XRCC5: variants seen among roughly 807,000 people sequenced by gnomAD.
XRCC5 encodes DNA repair protein Ku80.
Under a neutral mutation model 95.7 loss-of-function variants are expected in XRCC5, and 12 were observed. The observed-to-expected ratio is 0.13, with a 90% CI of 0.08 to 0.20. XRCC5 has a LOEUF of 0.20. Among genes scored for constraint, XRCC5 ranks in the 10% least tolerant of loss-of-function variants. XRCC5 has a pLI of 1.00. For missense variants in XRCC5, 595 were observed against 873.9 expected (o/e 0.68, Z 4.02); for synonymous variants, 281 against 290.3 (o/e 0.97, Z 0.33).
intron 10 of XRCC5, among the ~76,000 whole-genome samples, chr2:216,132,904 A>C (rs1459649650): frequency 6.6e-6 from 1 of 152,174 alleles, no homozygotes; most frequent in African/African-American, 2.4e-5. Flanking sequence ...TTTGATCTCC[A>C]AGTTAGAACT....
intron 19 of XRCC5, among the ~76,000 whole-genome samples, chr2:216,196,503 T>G (rs1689723338): frequency 6.6e-6 from 1 of 152,120 alleles, no homozygotes; most frequent in Non-Finnish European, 1.5e-5. Flanking sequence ...CGTACATGTG[T>G]GCGTGTGTCT....
chr2:216,162,514 A>C (rs1002289436), intron 16 of XRCC5, among the ~76,000 whole-genome samples: 2 of 150,726 alleles, frequency 1.3e-5, no homozygotes, highest in African/African-American at 4.9e-5. Flanking sequence ...CGATTCTCCT[A>C]CCTCAGCCTC....
At chr2:216,193,540 CTG>C (rs925476557) in intron 18 of XRCC5, among the ~76,000 whole-genome samples, 2 of 152,206 alleles carry the variant, frequency 1.3e-5, no homozygotes, top group African/African-American at 4.8e-5. Flanking sequence ...ACACAGGTAA[CTG>C]TTTTCCTGAC....
At chr2:216,141,148 T>C (rs201869296) in intron 12 of XRCC5, 38 bp from the exon 13 acceptor site, 156 of 1,610,432 alleles carry the variant, frequency 9.7e-5, no homozygotes, top group Non-Finnish European at 1.2e-4. Context: ...TGGAGAATAA[T>C]GGAAATAATC....
chr2:216,177,684 T>C (rs1689304717), intron 16 of XRCC5, among the ~76,000 whole-genome samples: 1 of 152,246 alleles, frequency 6.6e-6, no homozygotes, highest in Non-Finnish European at 1.5e-5. Flanking sequence ...GTTCAATGTT[T>C]ATAGATTTTG....
chr2:216,133,291 A>G (rs1559242418), intron 10 of XRCC5, among the ~76,000 whole-genome samples: 3 of 152,246 alleles, frequency 2.0e-5, no homozygotes, highest in Admixed American at 1.3e-4. Flanking sequence ...CCTGTTGGGA[A>G]TCATGGAAGT....
At position 216,149,018 on chromosome 2, in the gene XRCC5, G is replaced by A. The variant is rs41296416; in HGVS notation, c.1670+742G>A. Among the ~76,000 whole-genome samples the A allele has an allele frequency of 1.8e-3, 280 of 152,082 alleles. 1 individual carries two copies. Among genetic ancestry groups the A allele is most frequent in the African/African-American group, 6.5e-3 (271 of 41,502 alleles). ...GTTATTGGTGACTTTTTTTTCTCAAGCTGGAATAATCTATACATTTCTTTT... is the reference window on the plus strand; with the variant it reads ...GTTATTGGTGACTTTTTTTTCTCAAACTGGAATAATCTATACATTTCTTTT... On this transcript the variant is annotated intron_variant, in intron 14 of 20. Transcript: ENST00000392132.
chr2:216,200,453 AAT>A (rs1689815553), intron 19 of XRCC5, among the ~76,000 whole-genome samples: 2 of 152,246 alleles, frequency 1.3e-5, no homozygotes, highest in African/African-American at 4.8e-5. Flanking sequence ...CAAGAAAAGT[AAT>A]AATGAAAATA....
chr2:216,141,165 C>T, intron 12 of XRCC5, 21 bp from the exon 13 acceptor site: 1 of 1,607,486 alleles, frequency 6.2e-7, no homozygotes, highest in Admixed American at 1.7e-5. Context: ...AATCATTTTT[C>T]TTTCGGCTTC....
chr2:216,120,000 A>G (rs755981728), intron 5 of XRCC5, among the ~76,000 whole-genome samples: 4 of 152,190 alleles, frequency 2.6e-5, no homozygotes, highest in Admixed American at 1.3e-4. Flanking sequence ...TCTAGGTTAG[A>G]GTGGTAAGCC....
At chr2:216,153,468 A>G (rs372212926) in intron 14 of XRCC5, among the ~76,000 whole-genome samples, 1 of 152,232 alleles carries the variant, frequency 6.6e-6, no homozygotes, top group Non-Finnish European at 1.5e-5. Flanking sequence ...GTTTTTAATC[A>G]GGGTTCCAAA....
At chr2:216,128,888 C>A (rs828704) in intron 8 of XRCC5, among the ~76,000 whole-genome samples, 123,945 of 152,222 alleles carry the variant, frequency 0.81, 50,551 homozygotes, top group East Asian at 0.88. Flanking sequence ...ATTCAAAGCC[C>A]CACAGTTCTC....
intron 8 of XRCC5, among the ~76,000 whole-genome samples, chr2:216,129,222 C>T (rs1019606560): frequency 1.3e-5 from 2 of 152,162 alleles, no homozygotes; most frequent in Non-Finnish European, 2.9e-5. Flanking sequence ...ATTGCTGGGG[C>T]AATGGAGAGG....
chr2:216,154,292 G>A (rs149246908), intron 14 of XRCC5, among the ~76,000 whole-genome samples: 1 of 152,236 alleles, frequency 6.6e-6, no homozygotes, highest in African/African-American at 2.4e-5. Context: ...TTTAAACAAG[G>A]GATCAAACTT....
intron 10 of XRCC5, among the ~76,000 whole-genome samples, chr2:216,135,902 C>T (rs577240438): frequency 2.0e-5 from 3 of 151,820 alleles, no homozygotes; most frequent in Admixed American, 1.3e-4. Context: ...ATAGGGAATC[C>T]AGGAGGAGAA....
At chr2:216,112,246 C>T (rs975395234) in intron 1 of XRCC5, among the ~76,000 whole-genome samples, 8 of 152,264 alleles carry the variant, frequency 5.3e-5, no homozygotes, top group East Asian at 1.9e-4. Flanking sequence ...TATGTGATTC[C>T]GTCTGTCACT....
At chr2:216,189,386 C>T (rs927475442) in intron 16 of XRCC5, among the ~76,000 whole-genome samples, 1 of 152,220 alleles carries the variant, frequency 6.6e-6, no homozygotes, top group South Asian at 2.1e-4. Flanking sequence ...TTCTTCCACA[C>T]ACAGATCTTA....
At chr2:216,142,140 C>G (rs1697182825) in intron 13 of XRCC5, among the ~76,000 whole-genome samples, 1 of 152,114 alleles carries the variant, frequency 6.6e-6, no homozygotes, top group Non-Finnish European at 1.5e-5. Context: ...CAGGTGTATA[C>G]CATTGCCCCC....
intron 16 of XRCC5, among the ~76,000 whole-genome samples, chr2:216,171,345 G>T (rs948517185): frequency 1.3e-5 from 2 of 152,126 alleles, no homozygotes. Flanking sequence ...TGTCGTGCTT[G>T]CTTCTTTGGC....
Sources: allele counts gnomAD v4.1 joint callset (sites outside exome capture counted in the v4.1 genomes callset), GRCh38; gene constraint gnomAD v4.1.1; transcripts MANE v1.5; gene names NCBI Gene and HGNC (gene_info 2026-07-23, HGNC 2026-07-21).